LSS: variants seen among roughly 807,000 people sequenced by gnomAD.
LSS encodes the protein lanosterol synthase.
LSS carries 90 observed loss-of-function variants against 110.3 expected under a neutral mutation model. The observed-to-expected ratio is 0.82, with a 90% CI of 0.69 to 0.97. LSS has a LOEUF of 0.97. Among genes scored for constraint, LSS ranks in the 50% least tolerant of loss-of-function variants. LSS has a pLI of 0.00. For missense variants in LSS, 927 were observed against 990.0 expected (o/e 0.94, Z 0.85); for synonymous variants, 433 against 400.0 (o/e 1.08, Z -0.98).
chr21:46,226,409 C>T (rs1180582583), intron 3 of LSS, among the ~76,000 whole-genome samples: 1 of 152,198 alleles, frequency 6.6e-6, no homozygotes, highest in East Asian at 1.9e-4. Flanking sequence ...TCTAAACAGG[C>T]CCTGATGGGG....
rs1475685274 is a variant in LSS at position 46,189,502 on chromosome 21, G to A, written c.*1602C>T. The A allele has an allele frequency of 1.1e-5, 4 of 367,776 alleles. No individual in the cohort carries two copies. The highest frequency in any genetic ancestry group is 8.0e-5 in the South Asian group (4 of 49,998). 22.8% of individuals were successfully genotyped at this position (367,776 alleles called of 1,614,324 possible). On this transcript the variant is annotated 3_prime_UTR_variant, in exon 22 of 22. Coordinates refer to ENST00000397728, the MANE Select transcript of LSS (RefSeq NM_002340.6). The stretch of plus-strand genomic sequence containing the variant: ...AGCCCTGCAGGGCTCTGAGCAGGCA[G>A]GCGAGTCCCAAGGAGAGTCAGTGAC...
chr21:46,227,525 C>A lies in LSS; in HGVS notation c.319+27G>T, dbSNP rs76428496. On this transcript the variant is annotated intron_variant, in intron 3 of 21. Transcript: ENST00000397728. ...CAAGGGTGATCCAGGGTGGCCATAC[C>A]ATCAGGCTGGGGCAGCATACTCCTA... The A allele has an allele frequency of 0.058, 94,201 of 1,612,778 alleles. 3,126 individuals carry two copies. Among genetic ancestry groups the A allele is most frequent in the Non-Finnish European group, 0.068 (79,863 of 1,179,200 alleles).
chr21:46,189,888 A>C lies in LSS; in HGVS notation c.*1216T>G. Reference sequence around the variant, plus strand: ...CCCTGAGCATGTGAGCTGCTCATCCACATCAGGCAAAGGCAAAGCCAGGAC... The same window carrying C: ...CCCTGAGCATGTGAGCTGCTCATCCCCATCAGGCAAAGGCAAAGCCAGGAC... On this transcript the variant is annotated 3_prime_UTR_variant, in exon 22 of 22. Transcript: ENST00000397728. 1 of 371,402 alleles carries C rather than the reference A, an allele frequency of 2.7e-6. No individual in the cohort carries two copies. The highest frequency in any genetic ancestry group is 5.4e-6 in the Non-Finnish European group (1 of 186,034). The allele number at this position is 371,402 out of a possible 1,614,324, so 23.0% of individuals were successfully genotyped here. A position where few individuals can be genotyped will look rare whatever the true frequency, so the allele number is the denominator to read the frequency against.
chr21:46,190,515 G>T lies in LSS; in HGVS notation c.*589C>A, dbSNP rs958282152. 1.9e-5 allele frequency: 3 copies of T among 155,264 alleles called. No individual in the cohort carries two copies. Among genetic ancestry groups the T allele is most frequent in the Non-Finnish European group, 4.2e-5 (3 of 71,180 alleles). The allele number at this position is 155,264 out of a possible 1,614,324, so 9.6% of individuals were successfully genotyped here. A position where few individuals can be genotyped will look rare whatever the true frequency, so the allele number is the denominator to read the frequency against. On this transcript the variant is annotated 3_prime_UTR_variant, in exon 22 of 22. Coordinates refer to ENST00000397728, the MANE Select transcript of LSS (RefSeq NM_002340.6). This position sits in a 1 kb window ranked among gnomAD's most constrained non-coding sequence, Gnocchi z 4.6. ...GAGGCTCCATGACACCACCCCATAC[G>T]CAGGCAAGCTCACGACCCAGGGGCA...
At chr21:46,211,518 G>A (rs2080134728) in intron 11 of LSS, among the ~76,000 whole-genome samples, 1 of 152,258 alleles carries the variant, frequency 6.6e-6, no homozygotes, top group African/African-American at 2.4e-5. Context: ...CCCGAGCTGG[G>A]CTCACAGGTA....
Position 46,209,677 on chromosome 21 carries a change from T to C in LSS, c.1195-52A>G. 7 of 1,505,632 alleles carry C rather than the reference T, an allele frequency of 4.6e-6. No individual in the cohort carries two copies. The highest frequency in any genetic ancestry group is 5.5e-6 in the Non-Finnish European group (6 of 1,096,798). 93.3% of individuals were successfully genotyped at this position (1,505,632 alleles called of 1,614,324 possible). A position where few individuals can be genotyped will look rare whatever the true frequency, so the allele number is the denominator to read the frequency against. ...CTCAGCTGCCCTTGCACGGCCAGCA[T>C]GGCTGCGCTGGTTTCCCGATGGTCC... On this transcript the variant is annotated intron_variant, in intron 12 of 21. Coordinates refer to ENST00000397728, the MANE Select transcript of LSS (RefSeq NM_002340.6). The surrounding 1 kb of genome is among the most constrained non-coding windows in gnomAD (Gnocchi z 4.4).
In LSS at chr21:46,191,866, T is replaced by A. The variant is rs374174885; in HGVS notation, c.2067+15A>T. 15 of 1,609,504 alleles carry A rather than the reference T, an allele frequency of 9.3e-6. 1 individual carries two copies. The East Asian group carries it at 1.1e-4, about 12-fold the overall frequency. ...CAGTGCTGGGCCTTGTGCGCTCAGG[T>A]CCCTGGCGGCATACCTGCGGCCAGT... is the stretch of plus-strand genomic sequence containing the variant. On this transcript the variant is annotated intron_variant, in intron 21 of 21. Coordinates refer to ENST00000397728, the MANE Select transcript of LSS (RefSeq NM_002340.6).
intron 20 of LSS, among the ~76,000 whole-genome samples, chr21:46,194,285 G>A (rs926214953): frequency 6.6e-6 from 1 of 152,182 alleles, no homozygotes; most frequent in Non-Finnish European, 1.5e-5. Context: ...CTCTCTGCAG[G>A]GCCCCACTTG....
chr21:46,219,484 T>G lies in LSS; in HGVS notation c.639A>C (p.Pro213=). The G allele has an allele frequency of 6.3e-7, 1 of 1,592,840 alleles. No homozygotes were observed. The highest frequency in any genetic ancestry group is 1.1e-5 in the South Asian group (1 of 87,760). Reference sequence around the variant, plus strand: ...ATCAACAGCAGACATACCACATCTCTGGGAACAGGGTATTGAGGCCTTCCC... The same window carrying G: ...ATCAACAGCAGACATACCACATCTCGGGGAACAGGGTATTGAGGCCTTCCC... ...YSWEGLNTLF[P]EMWLFPDWAP... Residue 213 remains proline, a synonymous_variant, in exon 6 of 22, where the codon CCA becomes CCC. Coordinates refer to ENST00000397728, the MANE Select transcript of LSS (RefSeq NM_002340.6).
rs773730627 is a variant in LSS, at chr21:46,188,452, A to G, written c.*2652T>C. ...AATAATCTGAATTCAAAAATCTTTC[A>G]TGACTGATTTTTAATCACACTGAGG... is the stretch of plus-strand genomic sequence containing the variant. On this transcript the variant is annotated 3_prime_UTR_variant, in exon 22 of 22. Transcript: ENST00000397728. 2.1e-5 allele frequency: 6 copies of G among 291,218 alleles called. No homozygotes were observed. The highest frequency in any genetic ancestry group is 3.5e-5 in the Non-Finnish European group (5 of 141,272). The allele number at this position is 291,218 out of a possible 1,614,324, so 18.0% of individuals were successfully genotyped here. A position where few individuals can be genotyped will look rare whatever the true frequency, so the allele number is the denominator to read the frequency against.
At chr21:46,203,405 G>A (rs1288057396) in intron 17 of LSS, among the ~76,000 whole-genome samples, 3 of 152,336 alleles carry the variant, frequency 2.0e-5, no homozygotes, top group South Asian at 2.1e-4. Flanking sequence ...TGGGCCAGGC[G>A]TGAAAGGGGC....
chr21:46,193,182 T>C (rs1235646149), intron 20 of LSS: 5 of 451,528 alleles, frequency 1.1e-5, no homozygotes, highest in African/African-American at 8.1e-5. Context: ...TACCTATGTC[T>C]GTGTGTGGCA....
chr21:46,194,845 A>G (rs2079885889), intron 19 of LSS, among the ~76,000 whole-genome samples, 184 bp from the exon 20 acceptor site: 1 of 152,224 alleles, frequency 6.6e-6, no homozygotes, highest in Non-Finnish European at 1.5e-5. Context: ...CTGGGAACAG[A>G]TACTCCTGCC....
chr21:46,208,940 G>C (rs1218353818), intron 13 of LSS, among the ~76,000 whole-genome samples: 1 of 152,228 alleles, frequency 6.6e-6, no homozygotes, highest in Non-Finnish European at 1.5e-5. Flanking sequence ...GGGAGACGGG[G>C]CTGGGGGGCA....
Position 46,196,283 on chromosome 21 carries a change from G to C in LSS, c.1671-16C>G. The C allele has an allele frequency of 6.2e-7, 1 of 1,611,986 alleles. No individual in the cohort carries two copies. The highest frequency in any genetic ancestry group is 1.3e-5 in the African/African-American group (1 of 75,006). ...GAGGGTCTCCCTGGAACACGAGATT[G>C]GTCCAGTGAACATTCTGGTAAAACA... On this transcript the variant is annotated splice_polypyrimidine_tract_variant and intron_variant, in intron 17 of 21. Transcript: ENST00000397728.
intron 8 of LSS, 149 bp from the exon 9 acceptor site, chr21:46,215,447 G>A (rs2080190823): frequency 2.1e-6 from 1 of 468,836 alleles, no homozygotes; most frequent in East Asian, 4.4e-5. Flanking sequence ...CTCCTTCCCT[G>A]CCCAGGAGGG....
chr21:46,194,930 G>A (rs1375398587), intron 19 of LSS, among the ~76,000 whole-genome samples: 2 of 152,246 alleles, frequency 1.3e-5, no homozygotes, highest in African/African-American at 2.4e-5. Context: ...GGCTGAGTGA[G>A]GTCTGCAGTG....
chr21:46,193,971 C>T (rs551264168), intron 20 of LSS, among the ~76,000 whole-genome samples: 16 of 151,702 alleles, frequency 1.1e-4, no homozygotes, highest in Admixed American at 3.9e-4. Flanking sequence ...TGTGGGCATG[C>T]GTACGTGTGT....
rs747783006 is a variant in LSS, at chr21:46,213,063, A to G, written c.1110-11T>C. ...CCGTCAAGGCCCATCCTGTGAGGAGAAAAAAGCCCAAGTCAGGTGCAAGGA... is the reference window on the plus strand; with the variant it reads ...CCGTCAAGGCCCATCCTGTGAGGAGGAAAAAGCCCAAGTCAGGTGCAAGGA... On this transcript the variant is annotated splice_polypyrimidine_tract_variant and intron_variant, in intron 10 of 21. Transcript: ENST00000397728. The G allele has an allele frequency of 1.2e-6, 2 of 1,613,236 alleles. No individual in the cohort carries two copies. The highest frequency in any genetic ancestry group is 8.5e-7 in the Non-Finnish European group (1 of 1,179,884).
Sources: gnomAD v4.1 joint callset for allele counts (sites outside exome capture counted in the v4.1 genomes callset) on GRCh38, gnomAD v4.1.1 for gene constraint, Gnocchi (gnomAD v3.1) non-coding constraint, MANE v1.5 for transcripts, NCBI Gene and HGNC (gene_info 2026-07-23, HGNC 2026-07-21) for gene names.